CTNND2: variants seen among roughly 807,000 people sequenced by gnomAD.
The protein encoded by CTNND2 is catenin delta-2.
Under a neutral mutation model 144.4 loss-of-function variants are expected in CTNND2, and 22 were observed. That is an observed-to-expected ratio of 0.15 (90% confidence interval 0.11 to 0.22). The LOEUF (loss-of-function observed/expected upper bound fraction) is 0.22. CTNND2 is among the 10% of genes least tolerant of loss of function. The pLI, the probability that CTNND2 is intolerant of heterozygous loss-of-function variation, is 1.00. For synonymous variants in CTNND2, 751 were observed against 695.6 expected (o/e 1.08, Z -1.25); for missense variants, 1,353 against 1,618.8 (o/e 0.84, Z 2.82).
At chr5:11,709,512 A>T (rs771332461) in intron 2 of CTNND2, among the ~76,000 whole-genome samples, 1 of 152,252 alleles carries the variant, frequency 6.6e-6, no homozygotes, top group Non-Finnish European at 1.5e-5. Context: ...AGATAAAAGA[A>T]GATGATGAAC....
intron 8 of CTNND2, among the ~76,000 whole-genome samples, chr5:11,348,033 T>C (rs1754968150): frequency 6.6e-6 from 1 of 152,110 alleles, no homozygotes; most frequent in African/African-American, 2.4e-5. Context: ...TTTAGGAAAT[T>C]AGGTTCCGTG....
intron 1 of CTNND2, among the ~76,000 whole-genome samples, chr5:11,778,033 CTT>C: frequency 6.6e-6 from 1 of 152,098 alleles, no homozygotes; most frequent in East Asian, 1.9e-4. Context: ...CCTGTGATCT[CTT>C]TTAATTTTAG....
In CTNND2 at chr5:11,007,911, G is replaced by A. The variant is rs536909987; in HGVS notation, c.3084+10063C>T. ...TTTCAGTTAAGCCCCTAGACAGGGA[G>A]ATGTGGGTGGCCACTTGATTAAGAA... is the stretch of plus-strand genomic sequence containing the variant. On this transcript the variant is annotated intron_variant, in intron 18 of 21. Transcript: ENST00000304623. 1.4e-4 allele frequency among the ~76,000 whole-genome samples: 21 copies of A among 152,350 alleles called. No individual in the cohort carries two copies. In the South Asian group the frequency reaches 4.4e-3, roughly 32 times the overall value.
chr5:11,127,526 C>T (rs1754796143), intron 12 of CTNND2, among the ~76,000 whole-genome samples: 1 of 152,212 alleles, frequency 6.6e-6, no homozygotes, highest in Non-Finnish European at 1.5e-5. Flanking sequence ...GACATCTGAC[C>T]CGGAGGGCAA....
At chr5:11,522,512 A>T (rs372405146) in intron 3 of CTNND2, among the ~76,000 whole-genome samples, 1 of 152,190 alleles carries the variant, frequency 6.6e-6, no homozygotes, top group Non-Finnish European at 1.5e-5. Flanking sequence ...TCCATGTTAG[A>T]TTTTAACGTT....
chr5:11,056,179 C>T (rs1170004197), intron 16 of CTNND2, among the ~76,000 whole-genome samples: 2 of 152,188 alleles, frequency 1.3e-5, no homozygotes, highest in Admixed American at 1.3e-4. Context: ...AAATGTTTCA[C>T]ATTTCAATAC....
Position 11,188,432 on chromosome 5 carries a change from G to A in CTNND2, c.1975+11016C>T, listed in dbSNP as rs554408972. Among the ~76,000 whole-genome samples the A allele has an allele frequency of 3.9e-4, 60 of 152,158 alleles. No homozygotes were observed. The East Asian group carries it at 0.011, about 28-fold the overall frequency. ...ATGGGAGCACATGGACACAGGGAGG[G>A]GAACAACCCACACTGGGGCCAGTCA... is the stretch of plus-strand genomic sequence containing the variant. On this transcript the variant is annotated intron_variant, in intron 11 of 21. Coordinates refer to ENST00000304623, the MANE Select transcript of CTNND2 (RefSeq NM_001332.4).
At position 11,743,548 on chromosome 5, in the gene CTNND2, C is replaced by A. The variant is rs183089073; in HGVS notation, c.38-11276G>T. On this transcript the variant is annotated intron_variant, in intron 1 of 21. Coordinates refer to ENST00000304623, the MANE Select transcript of CTNND2 (RefSeq NM_001332.4). ...ATCTGGCAAAACATATAGAGAAGATCATGCAAGGATGGGAAGCAGCACCTT... is the reference window on the plus strand; with the variant it reads ...ATCTGGCAAAACATATAGAGAAGATAATGCAAGGATGGGAAGCAGCACCTT... Among the ~76,000 whole-genome samples the A allele has an allele frequency of 3.1e-4, 47 of 152,264 alleles. No individual in the cohort carries two copies. The East Asian group carries it at 8.1e-3, about 26-fold the overall frequency.
chr5:11,552,988 C>T (rs780571814), intron 3 of CTNND2, among the ~76,000 whole-genome samples: 21 of 152,160 alleles, frequency 1.4e-4, no homozygotes, highest in South Asian at 4.1e-4. Flanking sequence ...TTCTACTCCT[C>T]GTCATATTTA....
At chr5:10,987,696 C>T (rs1738171287) in intron 20 of CTNND2, among the ~76,000 whole-genome samples, 1 of 118,898 alleles carries the variant, frequency 8.4e-6, no homozygotes, top group Non-Finnish European at 1.8e-5. Context: ...CTATTCCCCT[C>T]CCCACCTCCC....
chr5:11,181,814 G>A lies in CTNND2; in HGVS notation c.1975+17634C>T, dbSNP rs1036933123. Among the ~76,000 whole-genome samples the A allele has an allele frequency of 7.4e-5, 11 of 148,484 alleles. 1 individual carries two copies. The highest frequency in any genetic ancestry group is 4.4e-4 in the South Asian group (2 of 4,586). On this transcript the variant is annotated intron_variant, in intron 11 of 21. Coordinates refer to ENST00000304623, the MANE Select transcript of CTNND2 (RefSeq NM_001332.4). ...TGTGTGGTGTGTGTGTGGTGAATGCGTGTGGTGTGTGTGTGTATGTGTGGC... is the reference window on the plus strand; with the variant it reads ...TGTGTGGTGTGTGTGTGGTGAATGCATGTGGTGTGTGTGTGTATGTGTGGC...
rs578189513 is a variant in CTNND2, at chr5:11,263,142, T to C, written c.1629-26319A>G. 2.0e-5 allele frequency among the ~76,000 whole-genome samples: 3 copies of C among 152,308 alleles called. No homozygotes were observed. The South Asian group carries it at 6.2e-4, about 32-fold the overall frequency. ...CCTCTTCTAGCTGGCCCACCTCCATTCAAAGATGACTTGATTCTAAATTTT... is the reference window on the plus strand; with the variant it reads ...CCTCTTCTAGCTGGCCCACCTCCATCCAAAGATGACTTGATTCTAAATTTT... On this transcript the variant is annotated intron_variant, in intron 9 of 21. Transcript: ENST00000304623.
At position 11,221,231 on chromosome 5, in the gene CTNND2, C is replaced by T. The variant is rs535990115; in HGVS notation, c.1761+15460G>A. Among the ~76,000 whole-genome samples the T allele has an allele frequency of 7.6e-4, 116 of 152,304 alleles. 1 individual carries two copies. Among genetic ancestry groups the T allele is most frequent in the African/African-American group, 2.6e-3 (107 of 41,572 alleles). ...CAGCTCTTCCAATCAGCGTCTGATA[C>T]GAAATGACTGAAACATGGTCAAGCC... On this transcript the variant is annotated intron_variant, in intron 10 of 21. Coordinates refer to ENST00000304623, the MANE Select transcript of CTNND2 (RefSeq NM_001332.4).
intron 2 of CTNND2, among the ~76,000 whole-genome samples, chr5:11,583,318 C>T (rs916129270): frequency 4.6e-5 from 7 of 152,176 alleles, no homozygotes; most frequent in South Asian, 2.1e-4. Context: ...GGAGGTAAAT[C>T]GTAAAACAAA....
chr5:11,720,807 C>T (rs1392188406), intron 2 of CTNND2, among the ~76,000 whole-genome samples: 1 of 152,142 alleles, frequency 6.6e-6, no homozygotes, highest in Non-Finnish European at 1.5e-5. Context: ...GTTACCTCAG[C>T]TCACTATTCT....
intron 2 of CTNND2, among the ~76,000 whole-genome samples, chr5:11,621,357 T>C (rs1227528156): frequency 6.6e-6 from 1 of 152,182 alleles, no homozygotes; most frequent in African/African-American, 2.4e-5. Flanking sequence ...GTTTGAATTA[T>C]CAAACATAAA....
intron 1 of CTNND2, among the ~76,000 whole-genome samples, chr5:11,778,280 G>C (rs1036779820): frequency 1.3e-5 from 2 of 152,050 alleles, no homozygotes; most frequent in Non-Finnish European, 2.9e-5. Context: ...CATAGTCACA[G>C]TCATCAAAGA....
At chr5:11,660,519 A>G (rs1783142544) in intron 2 of CTNND2, among the ~76,000 whole-genome samples, 2 of 152,136 alleles carry the variant, frequency 1.3e-5, no homozygotes, top group African/African-American at 2.4e-5. Flanking sequence ...ACGGGTCTTC[A>G]GCCTCTGGAG....
intron 1 of CTNND2, 42 bp from the exon 2 acceptor site, chr5:11,732,314 C>T: frequency 1.3e-6 from 2 of 1,587,046 alleles, no homozygotes; most frequent in South Asian, 1.1e-5. Context: ...CAGATGTTGA[C>T]ACTAAACAGG....
Sources: gnomAD v4.1 joint callset for allele counts (sites outside exome capture counted in the v4.1 genomes callset) on GRCh38, gnomAD v4.1.1 for gene constraint, MANE v1.5 for transcripts, NCBI Gene and HGNC (gene_info 2026-07-23, HGNC 2026-07-21) for gene names.